Variants in GRID2 observed in about 807,000 individuals in gnomAD.
GRID2 encodes glutamate ionotropic receptor delta type subunit 2.
In GRID2, 33 loss-of-function variants were observed where a neutral mutation model predicts 114.8. That is an observed-to-expected ratio of 0.29 (90% CI 0.22 to 0.38). The LOEUF is 0.38. GRID2 is among the 10% of genes least tolerant of loss of function. GRID2 has a pLI of 1.00. For missense variants in GRID2, 1,184 were observed against 1,257.7 expected, an observed-to-expected ratio of 0.94 and a Z score of 0.89; for synonymous variants, 505 against 449.9, an observed-to-expected ratio of 1.12 and a Z score of -1.55.
chr4:93,685,612 A>T (rs1001650615), intron 14 of GRID2, among the ~76,000 whole-genome samples: 1 of 152,074 alleles, frequency 6.6e-6, no homozygotes, highest in Non-Finnish European at 1.5e-5. Context: ...TTAGTTAGCA[A>T]TGGTGATATT....
intron 4 of GRID2, among the ~76,000 whole-genome samples, chr4:93,126,029 C>T (rs1396797489): frequency 6.6e-6 from 1 of 152,212 alleles, no homozygotes; most frequent in Non-Finnish European, 1.5e-5. Flanking sequence ...AGACGTACAT[C>T]TACTGATCCA....
At chr4:92,851,335 A>G (rs1427885762) in intron 2 of GRID2, among the ~76,000 whole-genome samples, 1 of 151,910 alleles carries the variant, frequency 6.6e-6, no homozygotes, top group East Asian at 1.9e-4. Context: ...TTTCTATCTC[A>G]CCAGAAAAAC....
chr4:93,671,086 A>C (rs1486675328), intron 14 of GRID2, among the ~76,000 whole-genome samples: 1 of 152,150 alleles, frequency 6.6e-6, no homozygotes, highest in Non-Finnish European at 1.5e-5. Flanking sequence ...AATACACCCC[A>C]AATTTGAAAC....
At chr4:93,310,366 A>G (rs1373299207) in intron 8 of GRID2, among the ~76,000 whole-genome samples, 1 of 151,946 alleles carries the variant, frequency 6.6e-6, no homozygotes, top group East Asian at 1.9e-4. Context: ...CTAAAAACAA[A>G]CACACACACA....
intron 2 of GRID2, among the ~76,000 whole-genome samples, chr4:92,962,736 AC>A (rs1338233378): frequency 1.3e-5 from 2 of 151,716 alleles, no homozygotes; most frequent in Non-Finnish European, 2.9e-5. Context: ...AAGTATGGGC[AC>A]CCGCCTATGA....
chr4:93,583,099 C>A lies in GRID2; in HGVS notation c.2194-43170C>A, dbSNP rs150119863. Among the ~76,000 whole-genome samples the A allele has an allele frequency of 3.0e-4, 46 of 152,276 alleles. No individual in the cohort carries two copies. The East Asian group carries it at 6.6e-3, about 22-fold the overall frequency. ...GCCTCCATCTTTACATCATGGTCGTCTCTACGTCTCCATGTGTCCTTTTCG... is the reference window on the plus strand; with the variant it reads ...GCCTCCATCTTTACATCATGGTCGTATCTACGTCTCCATGTGTCCTTTTCG... On this transcript the variant is annotated intron_variant, in intron 13 of 15. Transcript: ENST00000282020.
At chr4:93,585,400 T>C (rs1305339595) in intron 13 of GRID2, among the ~76,000 whole-genome samples, 2 of 152,148 alleles carry the variant, frequency 1.3e-5, no homozygotes, top group Non-Finnish European at 1.5e-5. Context: ...TCAATTAAGA[T>C]GTCTATGGTG....
chr4:92,399,396 G>A (rs931336347), intron 1 of GRID2, among the ~76,000 whole-genome samples: 2 of 152,106 alleles, frequency 1.3e-5, no homozygotes, highest in Non-Finnish European at 2.9e-5. Flanking sequence ...ACTAACAGCC[G>A]TTGAGCTTTA....
chr4:93,033,544 T>C (rs1724635966), intron 2 of GRID2, among the ~76,000 whole-genome samples: 1 of 152,090 alleles, frequency 6.6e-6, no homozygotes, highest in Non-Finnish European at 1.5e-5. Flanking sequence ...GCATGATTGC[T>C]CTCATGACTG....
At chr4:92,643,737 G>A (rs771642546) in intron 2 of GRID2, among the ~76,000 whole-genome samples, 2 of 151,684 alleles carry the variant, frequency 1.3e-5, no homozygotes, top group Non-Finnish European at 2.9e-5. Context: ...AGGAATCACA[G>A]GTATGGGCCT....
chr4:92,334,686 T>A (rs188312703), intron 1 of GRID2, among the ~76,000 whole-genome samples: 21 of 152,288 alleles, frequency 1.4e-4, no homozygotes, highest in African/African-American at 4.6e-4. Context: ...TAATCAGCTC[T>A]TAAAGGTCCC....
chr4:93,450,811 T>G (rs1722616846), intron 10 of GRID2, among the ~76,000 whole-genome samples: 1 of 151,902 alleles, frequency 6.6e-6, no homozygotes, highest in South Asian at 2.1e-4. Context: ...TATAATATTT[T>G]GTAATATATT....
chr4:93,138,367 T>G (rs1735461423), intron 4 of GRID2, among the ~76,000 whole-genome samples: 1 of 152,188 alleles, frequency 6.6e-6, no homozygotes, highest in South Asian at 2.1e-4. Flanking sequence ...TATGGCTACA[T>G]GCTTATATTA....
intron 2 of GRID2, among the ~76,000 whole-genome samples, chr4:93,034,542 G>T (rs557043248): frequency 6.6e-6 from 1 of 152,214 alleles, no homozygotes; most frequent in Non-Finnish European, 1.5e-5. Flanking sequence ...CTTCTACACG[G>T]CACGTCTGTT....
At chr4:92,620,238 A>G (rs912762613) in intron 2 of GRID2, among the ~76,000 whole-genome samples, 1 of 151,788 alleles carries the variant, frequency 6.6e-6, no homozygotes, top group Non-Finnish European at 1.5e-5. Flanking sequence ...ATGGAATGAC[A>G]TGATTTATAG....
intron 7 of GRID2, among the ~76,000 whole-genome samples, chr4:93,236,711 C>G (rs963204260): frequency 6.6e-6 from 1 of 151,954 alleles, no homozygotes; most frequent in Non-Finnish European, 1.5e-5. Flanking sequence ...TGAATACATC[C>G]TAGACCAGCT....
At chr4:92,463,646 C>A (rs1342014021) in intron 1 of GRID2, among the ~76,000 whole-genome samples, 3 of 151,918 alleles carry the variant, frequency 2.0e-5, no homozygotes, top group South Asian at 4.1e-4. Context: ...AACTGAAGGG[C>A]ACTGTTTATT....
At chr4:92,445,951 T>C (rs1279887228) in intron 1 of GRID2, among the ~76,000 whole-genome samples, 5 of 152,128 alleles carry the variant, frequency 3.3e-5, no homozygotes. Context: ...ATATTTTTTG[T>C]TTGTTTGTTT....
intron 14 of GRID2, among the ~76,000 whole-genome samples, chr4:93,692,111 A>C (rs566508310): frequency 6.6e-6 from 1 of 152,236 alleles, no homozygotes; most frequent in African/African-American, 2.4e-5. Flanking sequence ...GGGGCGGGGA[A>C]GCAGTGAAAA....
Sources: allele counts gnomAD v4.1 joint callset (sites outside exome capture counted in the v4.1 genomes callset), GRCh38; gene constraint gnomAD v4.1.1; transcripts MANE v1.5; gene names NCBI Gene and HGNC (gene_info 2026-07-23, HGNC 2026-07-21).